Variants in SLC29A3 observed in about 807,000 individuals in gnomAD.
SLC29A3 encodes solute carrier family 29 member 3.
Under a neutral mutation model 25.4 loss-of-function variants are expected in SLC29A3, and 18 were observed. That is an observed-to-expected ratio of 0.71 (90% CI 0.49 to 1.05). The LOEUF is 1.05. SLC29A3 is among the 50% of genes least tolerant of loss of function. The pLI is 0.00. For synonymous variants in SLC29A3, 258 were observed against 267.1 expected, an observed-to-expected ratio of 0.97 and a Z score of 0.33; for missense variants, 586 against 609.0, an observed-to-expected ratio of 0.96 and a Z score of 0.40.
intron 3 of SLC29A3, among the ~76,000 whole-genome samples, chr10:71,369,752 G>A (rs1197724981): frequency 1.3e-5 from 2 of 152,212 alleles, no homozygotes; most frequent in African/African-American, 2.4e-5. Flanking sequence ...CCTATGTACA[G>A]TATCCCTGCC....
intron 2 of SLC29A3, among the ~76,000 whole-genome samples, chr10:71,342,839 C>T (rs1458903263): frequency 6.6e-6 from 1 of 152,230 alleles, no homozygotes; most frequent in Non-Finnish European, 1.5e-5. Flanking sequence ...ACCTCACTAG[C>T]TGCGATTATC....
chr10:71,352,300 C>T (rs917544091), intron 4 of SLC29A3, among the ~76,000 whole-genome samples: 2 of 152,122 alleles, frequency 1.3e-5, no homozygotes, highest in East Asian at 1.9e-4. Flanking sequence ...CATAAGCTCA[C>T]CCAGACTCAA....
At chr10:71,364,255 A>T (rs1847144478), downstream of SLC29A3, 1 of 152,144 alleles carries the variant, frequency 6.6e-6, no homozygotes, top group Non-Finnish European at 1.5e-5. Context: ...TTTTGTGAAC[A>T]TCACTGAAGC....
chr10:71,345,656 T>A (rs1846551704), intron 3 of SLC29A3, among the ~76,000 whole-genome samples: 1 of 103,512 alleles, frequency 9.7e-6, no homozygotes. Flanking sequence ...CAACTGGCCT[T>A]CACAGGCCTC....
intron 1 of SLC29A3, among the ~76,000 whole-genome samples, chr10:71,320,076 C>T (rs1227691643): frequency 1.3e-5 from 2 of 152,244 alleles, no homozygotes; most frequent in Non-Finnish European, 2.9e-5. Context: ...CACTCCAGTG[C>T]CCTGGCCTGT....
chr10:71,338,700 T>C (rs937101110), intron 2 of SLC29A3, among the ~76,000 whole-genome samples: 1 of 151,934 alleles, frequency 6.6e-6, no homozygotes, highest in Non-Finnish European at 1.5e-5. Context: ...GAGGTTGCAG[T>C]CAGCCAGGAT....
At chr10:71,337,802 G>C (rs1487882738) in intron 2 of SLC29A3, among the ~76,000 whole-genome samples, 1 of 152,186 alleles carries the variant, frequency 6.6e-6, no homozygotes. Context: ...TTCCAGAAGA[G>C]ACCCTTAGCA....
chr10:71,353,017 A>C (rs1238282524), intron 4 of SLC29A3, among the ~76,000 whole-genome samples: 2 of 152,200 alleles, frequency 1.3e-5, no homozygotes, highest in Non-Finnish European at 2.9e-5. Flanking sequence ...GCCAGGAAGC[A>C]TGTGGCCAGG....
At chr10:71,325,834 C>A (rs1223029444) in intron 2 of SLC29A3, among the ~76,000 whole-genome samples, 1 of 151,766 alleles carries the variant, frequency 6.6e-6, no homozygotes, top group East Asian at 1.9e-4. Flanking sequence ...CTGAAGGGCA[C>A]AGTAGAGTTT....
chr10:71,371,836 G>T (rs1176387769), intron 3 of SLC29A3, among the ~76,000 whole-genome samples: 1 of 152,130 alleles, frequency 6.6e-6, no homozygotes, highest in Admixed American at 6.5e-5. Flanking sequence ...TCCTCCCATC[G>T]CCCTTGGAGG....
chr10:71,377,262 T>C (rs1271849053), intron 4 of SLC29A3, among the ~76,000 whole-genome samples: 1 of 152,094 alleles, frequency 6.6e-6, no homozygotes, highest in Non-Finnish European at 1.5e-5. Flanking sequence ...GCTCCAGGTA[T>C]CCCCTGGGCT....
At chr10:71,339,629 T>C (rs547729271) in intron 2 of SLC29A3, among the ~76,000 whole-genome samples, 74 of 152,220 alleles carry the variant, frequency 4.9e-4, no homozygotes, top group African/African-American at 1.7e-3. Context: ...GGAGGGGCTG[T>C]TGGTGCTAAG....
chr10:71,349,611 G>A (rs1405522161), intron 3 of SLC29A3, among the ~76,000 whole-genome samples: 2 of 152,162 alleles, frequency 1.3e-5, no homozygotes, highest in South Asian at 2.1e-4. Context: ...ACCTCCCCAG[G>A]ATGACTAGGC....
intron 4 of SLC29A3, among the ~76,000 whole-genome samples, chr10:71,377,977 A>C (rs79980057): frequency 2.0e-5 from 3 of 151,118 alleles, no homozygotes; most frequent in East Asian, 3.9e-4. Context: ...AGGTGGCTTG[A>C]GTTCTTAATG....
intron 3 of SLC29A3, among the ~76,000 whole-genome samples, chr10:71,371,283 C>G (rs1847209443): frequency 6.6e-6 from 1 of 152,196 alleles, no homozygotes. Context: ...CCAACGGCCT[C>G]CATCACTACT....
chr10:71,347,950 C>T (rs1423350262), intron 3 of SLC29A3, among the ~76,000 whole-genome samples: 1 of 152,210 alleles, frequency 6.6e-6, no homozygotes, highest in Non-Finnish European at 1.5e-5. Flanking sequence ...TGCACCATTC[C>T]TGCTGGACTT....
At chr10:71,379,150 C>T (rs1847282779) in intron 4 of SLC29A3, among the ~76,000 whole-genome samples, 1 of 152,220 alleles carries the variant, frequency 6.6e-6, no homozygotes, top group South Asian at 2.1e-4. Context: ...GAATTTGAAT[C>T]CAGGTCTGAG....
At chr10:71,323,089 G>C (rs766381598) in intron 2 of SLC29A3, 35 bp downstream of exon 2, 1 of 1,610,482 alleles carries the variant, frequency 6.2e-7, no homozygotes, top group Admixed American at 1.7e-5. Flanking sequence ...GCTGGTGGGA[G>C]CATACAGAGG....
chr10:71,323,993 T>C (rs573577502), intron 2 of SLC29A3, among the ~76,000 whole-genome samples: 1 of 152,260 alleles, frequency 6.6e-6, no homozygotes, highest in South Asian at 2.1e-4. Context: ...CTTTGCTGGG[T>C]GGCTTTTCCA....
Sources: gnomAD v4.1 joint callset for allele counts (sites outside exome capture counted in the v4.1 genomes callset) on GRCh38, gnomAD v4.1.1 for gene constraint, MANE v1.5 for transcripts, NCBI Gene and HGNC (gene_info 2026-07-23, HGNC 2026-07-21) for gene names.